MYO3A: variants seen among roughly 807,000 people sequenced by gnomAD.
MYO3A encodes the protein myosin IIIA.
Under a neutral mutation model 192.7 loss-of-function variants are expected in MYO3A, and 180 were observed. That is an observed-to-expected ratio of 0.93 (90% CI 0.83 to 1.06). The LOEUF (loss-of-function observed/expected upper bound fraction) is 1.06, where lower values mean the gene tolerates loss of function less well. Ranked by LOEUF, MYO3A falls within the 50% of genes least tolerant of loss-of-function variation. The probability of loss-of-function intolerance (pLI) is 0.00; values close to 1 mark genes in which losing one functional copy is unlikely to be tolerated. For synonymous variants in MYO3A, 628 were observed against 645.3 expected (o/e 0.97, Z 0.41); for missense variants, 1,896 against 1,905.0 (o/e 1.00, Z 0.09).
At chr10:26,199,040 G>C (rs1000448535) in intron 32 of MYO3A, among the ~76,000 whole-genome samples, 1 of 152,140 alleles carries the variant, frequency 6.6e-6, no homozygotes, top group Non-Finnish European at 1.5e-5. Context: ...TCATGACAAA[G>C]GGTAGAGGTT....
chr10:26,086,991 T>C (rs1205358501), intron 14 of MYO3A, among the ~76,000 whole-genome samples: 2 of 151,884 alleles, frequency 1.3e-5, no homozygotes, highest in Non-Finnish European at 2.9e-5. Flanking sequence ...TAGGTATATA[T>C]ATATTTTCAG....
chr10:26,082,884 G>T (rs934862596), intron 14 of MYO3A, among the ~76,000 whole-genome samples: 6 of 151,976 alleles, frequency 3.9e-5, no homozygotes, highest in South Asian at 4.2e-4. Context: ...AACATTTTCT[G>T]TTCATGTCTT....
chr10:26,129,855 C>G (rs1839430588), intron 20 of MYO3A, among the ~76,000 whole-genome samples: 1 of 152,182 alleles, frequency 6.6e-6, no homozygotes, highest in Admixed American at 6.5e-5. Flanking sequence ...CTCACAGCAT[C>G]CATTTGAACC....
chr10:26,211,883 G>A lies in MYO3A; in HGVS notation c.4771G>A (p.Glu1591Lys). The change falls in exon 35 of 35, where the codon GAG becomes AAG. Residue 1591 changes from glutamate to lysine, a missense_variant. Coordinates refer to ENST00000642920, the MANE Select transcript of MYO3A (RefSeq NM_017433.5). ...GAGCCCCGAGAAGGAGGAGGAGAGA[G>A]AGCCAGCAGCCAACCCCTACGACTT... ...AESPEKEEER[E>K]PAANPYDFRR... 6.2e-7 allele frequency: 1 copy of A among 1,614,060 alleles called. No homozygotes were observed. The highest frequency in any genetic ancestry group is 1.1e-5 in the South Asian group (1 of 91,024).
intron 17 of MYO3A, among the ~76,000 whole-genome samples, chr10:26,115,310 C>T (rs1274236450): frequency 6.6e-6 from 1 of 152,124 alleles, no homozygotes; most frequent in Non-Finnish European, 1.5e-5. Context: ...GCTAATCATG[C>T]TTTTGAGTCT....
chr10:26,093,226 ATTAG>A (rs1244556922), intron 15 of MYO3A, among the ~76,000 whole-genome samples: 5 of 152,212 alleles, frequency 3.3e-5, no homozygotes, highest in Admixed American at 6.5e-5. Context: ...ATTGCACTGT[ATTAG>A]TTAATGTTAA....
At chr10:26,102,252 T>C (rs1564550498) in intron 17 of MYO3A, among the ~76,000 whole-genome samples, 1 of 152,332 alleles carries the variant, frequency 6.6e-6, no homozygotes, top group East Asian at 1.9e-4. Context: ...CTCCATCAGA[T>C]CGTTTAAGGT....
At chr10:25,984,980 G>A (rs990573056) in intron 4 of MYO3A, among the ~76,000 whole-genome samples, 1 of 152,132 alleles carries the variant, frequency 6.6e-6, no homozygotes, top group Non-Finnish European at 1.5e-5. Flanking sequence ...GCTCATTCCT[G>A]TAATCCCGGC....
Position 26,154,727 on chromosome 10 carries a change from T to C in MYO3A, c.2716-19T>C. 1 of 1,606,174 alleles carries C rather than the reference T, an allele frequency of 6.2e-7. No individual in the cohort carries two copies. The highest frequency in any genetic ancestry group is 2.2e-5 in the East Asian group (1 of 44,776). On this transcript the variant is annotated intron_variant, in intron 24 of 34. Coordinates refer to ENST00000642920, the MANE Select transcript of MYO3A (RefSeq NM_017433.5). The stretch of plus-strand genomic sequence containing the variant: ...TACAATAGATACCAAGGCATCACTG[T>C]CTTCCTTGGTCTCCTTAGGGCGACA...
At chr10:26,094,152 T>A (rs1342360206) in intron 15 of MYO3A, among the ~76,000 whole-genome samples, 1 of 152,226 alleles carries the variant, frequency 6.6e-6, no homozygotes, top group Non-Finnish European at 1.5e-5. Context: ...CTTCAATAAT[T>A]ATTAGCGTGT....
chr10:25,980,042 C>G (rs559136681), intron 4 of MYO3A, among the ~76,000 whole-genome samples: 3 of 152,122 alleles, frequency 2.0e-5, no homozygotes, highest in African/African-American at 7.2e-5. Flanking sequence ...TGAGACCATC[C>G]TGGATAACAC....
chr10:25,953,075 C>T (rs1349243527), intron 3 of MYO3A, among the ~76,000 whole-genome samples: 1 of 151,850 alleles, frequency 6.6e-6, no homozygotes, highest in Non-Finnish European at 1.5e-5. Context: ...TAATCAGATG[C>T]TCCCCAAACA....
chr10:26,035,025 G>A (rs78614591), intron 10 of MYO3A, among the ~76,000 whole-genome samples: 2 of 151,954 alleles, frequency 1.3e-5, no homozygotes, highest in East Asian at 3.9e-4. Flanking sequence ...AAAATAAAAA[G>A]TAAAGGAAAT....
chr10:26,099,092 G>A (rs1005344546), intron 17 of MYO3A, among the ~76,000 whole-genome samples: 1 of 152,188 alleles, frequency 6.6e-6, no homozygotes, highest in Admixed American at 6.5e-5. Flanking sequence ...TCGTTGAGCA[G>A]TGGTTTGTAG....
At position 25,938,505 on chromosome 10, in the gene MYO3A, C is replaced by T. The variant is rs540221984; in HGVS notation, c.-18+2675C>T. On this transcript the variant is annotated intron_variant, in intron 2 of 34. Coordinates refer to ENST00000642920, the MANE Select transcript of MYO3A (RefSeq NM_017433.5). ...ATCCTGGCTACTCTGTGGAGAGAGA[C>T]AAAATTCTATAGCTGACCAGCTGAA... Among the ~76,000 whole-genome samples, 8 of 152,250 alleles carry T rather than the reference C, an allele frequency of 5.3e-5. No homozygotes were observed. The South Asian group carries it at 1.7e-3, about 32-fold the overall frequency.
In MYO3A at chr10:26,088,351, G is replaced by C. The variant is rs749920596; in HGVS notation, c.1508G>C (p.Gly503Ala). The change falls in exon 15 of 35, where the codon GGA (glycine) becomes GCA (alanine). Residue 503 changes from glycine to alanine, a missense_variant. Coordinates refer to ENST00000642920, the MANE Select transcript of MYO3A (RefSeq NM_017433.5). ...MKFTSSGAVV[G>A]AQISEYLLEK... ...TTCACCTCTTCTGGAGCGGTAGTGG[G>C]AGCACAGATTTCTGAATATCTCCTG... The C allele has an allele frequency of 4.3e-6, 7 of 1,613,948 alleles. No individual in the cohort carries two copies. In the South Asian group the frequency reaches 7.7e-5, roughly 18 times the overall value.
At chr10:26,080,460 G>C (rs1835848143) in intron 14 of MYO3A, among the ~76,000 whole-genome samples, 1 of 149,896 alleles carries the variant, frequency 6.7e-6, no homozygotes, top group Admixed American at 6.7e-5. Flanking sequence ...TCCTTGTATT[G>C]AGCTTCACCT....
At chr10:26,211,748 C>T in intron 34 of MYO3A, 95 bp from the exon 35 acceptor site, 1 of 1,568,704 alleles carries the variant, frequency 6.4e-7, no homozygotes, top group South Asian at 1.1e-5. Flanking sequence ...GTTGGCAGAA[C>T]GTGGGAGGAA....
intron 20 of MYO3A, among the ~76,000 whole-genome samples, chr10:26,140,459 G>A (rs1412055364): frequency 6.6e-6 from 1 of 152,086 alleles, no homozygotes; most frequent in Non-Finnish European, 1.5e-5. Context: ...TGAGGCAGGT[G>A]GATCACCTGA....
Sources: gnomAD v4.1 joint callset for allele counts (sites outside exome capture counted in the v4.1 genomes callset) on GRCh38, gnomAD v4.1.1 for gene constraint, MANE v1.5 for transcripts, NCBI Gene and HGNC (gene_info 2026-07-23, HGNC 2026-07-21) for gene names.